SAMD12: variants seen among roughly 807,000 people sequenced by gnomAD.
SAMD12 encodes sterile alpha motif domain-containing protein 12.
A neutral mutation model predicts 15.0 loss-of-function variants in SAMD12; 9 were observed. That is an observed-to-expected ratio of 0.60 (90% CI 0.36 to 1.05). The LOEUF (loss-of-function observed/expected upper bound fraction) is 1.05. SAMD12 is among the 50% of genes least tolerant of loss of function. The pLI is 0.01. For missense variants in SAMD12, 230 were observed against 234.2 expected (o/e 0.98, Z 0.12); for synonymous variants, 86 against 90.1 (o/e 0.96, Z 0.25).
chr8:118,320,816 T>TA (rs200542019), intron 4 of SAMD12, among the ~76,000 whole-genome samples: 1 of 146,676 alleles, frequency 6.8e-6, no homozygotes, highest in African/African-American at 2.5e-5. Flanking sequence ...TAAAGTATAA[T>TA]AAAAATATAT....
intron 4 of SAMD12, among the ~76,000 whole-genome samples, chr8:118,335,490 G>C (rs1817012889): frequency 6.6e-6 from 1 of 152,134 alleles, no homozygotes; most frequent in South Asian, 2.1e-4. Flanking sequence ...GAATTTTCAG[G>C]AACTACTGAT....
chr8:118,351,045 C>A (rs1817939650), intron 4 of SAMD12, among the ~76,000 whole-genome samples: 1 of 152,204 alleles, frequency 6.6e-6, no homozygotes, highest in Non-Finnish European at 1.5e-5. Context: ...TCTACTCTTT[C>A]TCACCACGTG....
intron 2 of SAMD12, among the ~76,000 whole-genome samples, chr8:118,531,386 T>G (rs964772171): frequency 1.2e-4 from 18 of 152,298 alleles, no homozygotes; most frequent in Admixed American, 7.2e-4. Flanking sequence ...TTGTTCTTTT[T>G]GCTTAGAATG....
At chr8:118,349,959 C>T (rs1055393826) in intron 4 of SAMD12, among the ~76,000 whole-genome samples, 1 of 151,856 alleles carries the variant, frequency 6.6e-6, no homozygotes, top group Admixed American at 6.6e-5. Flanking sequence ...GAGATCTCAT[C>T]TCTACAAAAA....
In SAMD12 at chr8:118,245,136, C is replaced by T. The variant is rs188589501; in HGVS notation, c.434-47404G>A. On this transcript the variant is annotated intron_variant, in intron 4 of 4. Coordinates refer to the SAMD12 transcript ENST00000409003. ...ATCTAGGTCTTCATCATGACCACCG[C>T]TGGCAAGCCATTTATTTTCTGCTTC... Among the ~76,000 whole-genome samples, 79 of 152,256 alleles carry T rather than the reference C, an allele frequency of 5.2e-4. No individual in the cohort carries two copies. In the Middle Eastern group the frequency reaches 0.01, roughly 20 times the overall value.
chr8:118,161,704 A>C, the SAMD12 span, among the ~76,000 whole-genome samples: 2 of 79,724 alleles, frequency 2.5e-5, no homozygotes, highest in Non-Finnish European at 6.9e-5. Flanking sequence ...ATTAATAATA[A>C]ATTATTTATT....
chr8:118,334,273 C>T (rs755290161), intron 4 of SAMD12, among the ~76,000 whole-genome samples: 1 of 152,114 alleles, frequency 6.6e-6, no homozygotes, highest in Non-Finnish European at 1.5e-5. Context: ...TCCTATCATG[C>T]TAGACCTCAA....
intron 4 of SAMD12, among the ~76,000 whole-genome samples, chr8:118,305,511 T>A (rs373401861): frequency 3.5e-4 from 53 of 152,344 alleles, no homozygotes; most frequent in African/African-American, 1.2e-3. Context: ...ATACCACATA[T>A]TGTTTACCCA....
chr8:118,254,404 C>G (rs920697617), intron 4 of SAMD12, among the ~76,000 whole-genome samples: 1 of 152,076 alleles, frequency 6.6e-6, no homozygotes, highest in African/African-American at 2.4e-5. Context: ...GAGAAAGTTC[C>G]AGAGATTTTG....
chr8:118,589,799 G>A (rs953249532), intron 1 of SAMD12, among the ~76,000 whole-genome samples: 3 of 152,086 alleles, frequency 2.0e-5, no homozygotes, highest in South Asian at 4.1e-4. Flanking sequence ...ATTGAACCAC[G>A]TTTTTATGAA....
chr8:118,248,376 G>A (rs530405868), intron 4 of SAMD12, among the ~76,000 whole-genome samples: 3 of 152,146 alleles, frequency 2.0e-5, no homozygotes, highest in East Asian at 1.9e-4. Flanking sequence ...TCATACAAAC[G>A]TTGGCTCTGA....
intron 2 of SAMD12, among the ~76,000 whole-genome samples, chr8:118,543,622 TC>T (rs1332684647): frequency 1.6e-4 from 22 of 138,852 alleles, no homozygotes; most frequent in African/African-American, 6.0e-4. Context: ...TTCTTTTCTT[TC>T]TTTCTTTCTT....
At chr8:118,440,090 TTCTC>T in intron 2 of SAMD12, 129 bp from the exon 3 acceptor site, 4 of 879,946 alleles carry the variant, frequency 4.5e-6, no homozygotes, top group Non-Finnish European at 6.9e-6. Context: ...GTTCTTGTCT[TTCTC>T]CTAACCTCTG....
intron 2 of SAMD12, among the ~76,000 whole-genome samples, chr8:118,500,228 G>A (rs538414872): frequency 7.5e-4 from 114 of 151,722 alleles, no homozygotes; most frequent in African/African-American, 2.5e-3. Context: ...ACAGGCATGC[G>A]CCACTACACC....
At position 118,535,250 on chromosome 8, in the gene SAMD12, C is replaced by T. The variant is rs574950683; in HGVS notation, c.192+45465G>A. Among the ~76,000 whole-genome samples, 12 of 152,344 alleles carry T rather than the reference C, an allele frequency of 7.9e-5. No homozygotes were observed. The South Asian group carries it at 2.1e-3, about 26-fold the overall frequency. ...TTTGCCTGGGTATCACCAGTGGAGG[C>T]TGCAGAACTGCAAATACTGCAGAAT... On this transcript the variant is annotated intron_variant, in intron 2 of 3. Transcript: ENST00000314727.
intron 4 of SAMD12, among the ~76,000 whole-genome samples, chr8:118,226,904 A>G (rs1339286706): frequency 6.6e-6 from 1 of 152,160 alleles, no homozygotes; most frequent in Non-Finnish European, 1.5e-5. Context: ...AGGGTGTATA[A>G]GTAGAACATT....
chr8:118,283,285 T>C (rs1813749168), intron 4 of SAMD12, among the ~76,000 whole-genome samples: 1 of 152,216 alleles, frequency 6.6e-6, no homozygotes, highest in Non-Finnish European at 1.5e-5. Flanking sequence ...TAATGGCACC[T>C]TTTGGTCATA....
At chr8:118,155,354 A>G in the SAMD12 span, among the ~76,000 whole-genome samples, 2 of 152,274 alleles carry the variant, frequency 1.3e-5, no homozygotes, top group East Asian at 3.9e-4. Flanking sequence ...CTCGATGAAC[A>G]GTGTTTTTGG....
intron 3 of SAMD12, 50 bp from the exon 4 acceptor site, chr8:118,379,750 A>T (rs1407847754): frequency 1.3e-6 from 2 of 1,585,684 alleles, no homozygotes; most frequent in Admixed American, 3.5e-5. Context: ...TACTTGCTGA[A>T]GAAAGATGTC....
Sources: gnomAD v4.1 joint callset for allele counts (sites outside exome capture counted in the v4.1 genomes callset) on GRCh38, gnomAD v4.1.1 for gene constraint, MANE v1.5 for transcripts, NCBI Gene and HGNC (gene_info 2026-07-23, HGNC 2026-07-21) for gene names.